Variants in BCAR3 observed in about 807,000 individuals in gnomAD.
The protein encoded by BCAR3 is breast cancer anti-estrogen resistance protein 3.
Under a neutral mutation model 80.1 loss-of-function variants are expected in BCAR3, and 37 were observed. The ratio of observed to expected loss-of-function variants is 0.46; its 90% CI spans 0.36 to 0.61. The LOEUF is 0.61. BCAR3 is among the 20% of genes least tolerant of loss of function. The pLI is 0.00. For synonymous variants in BCAR3, 389 were observed against 418.9 expected (o/e 0.93, Z 0.87); for missense variants, 978 against 1,068.2 (o/e 0.92, Z 1.18).
At chr1:93,690,735 T>C (rs1317565170) in intron 3 of BCAR3, among the ~76,000 whole-genome samples, 1 of 152,230 alleles carries the variant, frequency 6.6e-6, no homozygotes, top group African/African-American at 2.4e-5. Context: ...CATGATGCTG[T>C]TGTGAAAATT....
chr1:93,790,020 G>A (rs1392613759), intron 2 of BCAR3, among the ~76,000 whole-genome samples: 1 of 152,132 alleles, frequency 6.6e-6, no homozygotes, highest in African/African-American at 2.4e-5. Flanking sequence ...AGAGGAGGGA[G>A]TGTGTGGGAC....
chr1:93,575,960 T>C lies in BCAR3; in HGVS notation c.1802+54A>G, dbSNP rs536445021. 1.3e-4 allele frequency: 191 copies of C among 1,511,318 alleles called. 1 individual carries two copies. The African/African-American group carries it at 2.5e-3, about 20-fold the overall frequency. 93.6% of individuals were successfully genotyped at this position (1,511,318 alleles called of 1,614,324 possible). A position where few individuals can be genotyped will look rare whatever the true frequency, so the allele number is the denominator to read the frequency against. ...CTCTTTGTTCTAAAACCTGCTGCTC[T>C]GATGCCTGGAAGGAGCTGGGAGGGT... On this transcript the variant is annotated intron_variant, in intron 8 of 11. Transcript: ENST00000260502.
chr1:93,611,678 C>T (rs1344609988), intron 3 of BCAR3, among the ~76,000 whole-genome samples: 3 of 152,132 alleles, frequency 2.0e-5, no homozygotes, highest in Non-Finnish European at 2.9e-5. Flanking sequence ...CCGTATGAGG[C>T]CTCTAAATAC....
intron 2 of BCAR3, among the ~76,000 whole-genome samples, chr1:93,812,139 C>T (rs1242474217): frequency 6.6e-6 from 1 of 152,140 alleles, no homozygotes; most frequent in Non-Finnish European, 1.5e-5. Flanking sequence ...TTGAATGCTT[C>T]ATATCAATTT....
intron 8 of BCAR3, among the ~76,000 whole-genome samples, chr1:93,572,181 A>C (rs1294048880): frequency 6.6e-6 from 1 of 152,210 alleles, no homozygotes. Flanking sequence ...CTGTACCATG[A>C]GAGGTCCATG....
At chr1:93,659,528 T>C (rs1448101605) in intron 2 of BCAR3, among the ~76,000 whole-genome samples, 5 of 151,964 alleles carry the variant, frequency 3.3e-5, no homozygotes, top group Non-Finnish European at 5.9e-5. Context: ...ATTTTGCATC[T>C]ACTGGACAAT....
At chr1:93,640,946 C>T (rs1224566088) in intron 3 of BCAR3, among the ~76,000 whole-genome samples, 1 of 152,198 alleles carries the variant, frequency 6.6e-6, no homozygotes, top group Non-Finnish European at 1.5e-5. Context: ...TTCTAGAGTG[C>T]ATTTTTTGTT....
rs1277915315 is a variant in BCAR3 at position 93,582,775 on chromosome 1, C to T, written c.1212G>A (p.Pro404=). The T allele has an allele frequency of 3.1e-6, 5 of 1,613,910 alleles. No homozygotes were observed. Among genetic ancestry groups the T allele is most frequent in the Admixed American group, 3.3e-5 (2 of 59,988 alleles). ...GGAACGGCACCTTGCAGGGCTTAGG[C>T]GGGGGCTTAGGGCACAGTTGACTGT... ...GSDSQLCPKP[P]PKPCKVPFLK... The change falls in exon 7 of 12, where the codon CCG becomes CCA. Residue 404 remains proline (P), a synonymous_variant. Coordinates refer to ENST00000260502, the MANE Select transcript of BCAR3 (RefSeq NM_003567.4).
chr1:93,768,724 G>A (rs566740716), intron 2 of BCAR3, among the ~76,000 whole-genome samples: 5 of 152,338 alleles, frequency 3.3e-5, no homozygotes, highest in African/African-American at 9.6e-5. Flanking sequence ...TAGAGATATC[G>A]CAGGAAGTGG....
rs538583216 is a variant in BCAR3 at position 93,757,083 on chromosome 1, C to T, written c.-62-50941G>A. Reference sequence around the variant, plus strand: ...GCTCCCACAGTAGGAAAGTCTCTGCCGGTTGGGGTCTGTTCTGGGTCTGAT... The same window carrying T: ...GCTCCCACAGTAGGAAAGTCTCTGCTGGTTGGGGTCTGTTCTGGGTCTGAT... On this transcript the variant is annotated intron_variant, in intron 2 of 13. Coordinates refer to the BCAR3 transcript ENST00000370244. Among the ~76,000 whole-genome samples the T allele has an allele frequency of 7.2e-5, 11 of 152,238 alleles. No homozygotes were observed. In the East Asian group the frequency reaches 1.2e-3, roughly 16 times the overall value.
At chr1:93,783,949 G>A (rs969948295) in intron 2 of BCAR3, among the ~76,000 whole-genome samples, 4 of 152,160 alleles carry the variant, frequency 2.6e-5, no homozygotes, top group African/African-American at 9.7e-5. Flanking sequence ...TCTCTTGTCT[G>A]GTTTTCTCTC....
Position 93,589,307 on chromosome 1 carries a change from T to G in BCAR3, c.599A>C (p.Lys200Thr). The change falls in exon 5 of 12, where the codon AAA (lysine) becomes ACA (threonine). Residue 200 changes from lysine (K) to threonine (T), a missense_variant. By Grantham distance (78) the Lys-to-Thr change is moderately conservative (BLOSUM62 -1). Coordinates refer to ENST00000260502, the MANE Select transcript of BCAR3 (RefSeq NM_003567.4). ...CQWKNLAQHF[K>T]INRTVLRLSE... ...GAGTCGCAGAACTGTCCGGTTGATT[T>G]TGAAGTGCTGAGCGAGGTTCTTCCA... 1 of 1,614,180 alleles carries G rather than the reference T, an allele frequency of 6.2e-7. No individual in the cohort carries two copies. Among genetic ancestry groups the G allele is most frequent in the South Asian group, 1.1e-5 (1 of 91,078 alleles).
At chr1:93,664,396 G>A (rs1285558134) in intron 2 of BCAR3, among the ~76,000 whole-genome samples, 2 of 152,216 alleles carry the variant, frequency 1.3e-5, no homozygotes, top group African/African-American at 4.8e-5. Flanking sequence ...TGGGATTACA[G>A]GCGTGAGCCA....
At chr1:93,679,948 C>T (rs560305765) in intron 1 of BCAR3, among the ~76,000 whole-genome samples, 2 of 152,312 alleles carry the variant, frequency 1.3e-5, no homozygotes, top group South Asian at 2.1e-4. Flanking sequence ...GTAACCGTCT[C>T]GGCTGCCCCA....
chr1:93,723,635 T>A (rs758121505), intron 2 of BCAR3: 1 of 152,234 alleles, frequency 6.6e-6, no homozygotes, highest in Non-Finnish European at 1.5e-5. Flanking sequence ...ATTAAATGTC[T>A]TTCTCTGCCA....
intron 2 of BCAR3, among the ~76,000 whole-genome samples, chr1:93,779,219 T>C (rs1195107647): frequency 6.6e-6 from 1 of 152,156 alleles, no homozygotes; most frequent in African/African-American, 2.4e-5. Flanking sequence ...ATCGTTAGAG[T>C]AGCAACAACT....
intron 2 of BCAR3, among the ~76,000 whole-genome samples, chr1:93,657,785 G>T (rs558697575): frequency 6.6e-6 from 1 of 151,922 alleles, no homozygotes; most frequent in African/African-American, 2.4e-5. Context: ...CATAATGTCT[G>T]GAATTAAAAA....
At chr1:93,844,777 T>C (rs1655088561) in intron 2 of BCAR3, among the ~76,000 whole-genome samples, 1 of 150,590 alleles carries the variant, frequency 6.6e-6, no homozygotes, top group Admixed American at 6.6e-5. Flanking sequence ...GGCGCGATCA[T>C]AGCTCACTGT....
At chr1:93,807,498 C>T (rs549532916) in intron 2 of BCAR3, among the ~76,000 whole-genome samples, 1 of 152,060 alleles carries the variant, frequency 6.6e-6, no homozygotes, top group Non-Finnish European at 1.5e-5. Flanking sequence ...TTGAGCTCTG[C>T]GGAAGGTGGT....
Sources: allele counts gnomAD v4.1 joint callset (sites outside exome capture counted in the v4.1 genomes callset), GRCh38; gene constraint gnomAD v4.1.1; transcripts MANE v1.5; gene names NCBI Gene and HGNC (gene_info 2026-07-23, HGNC 2026-07-21).